Variants in PCDH7 observed in about 807,000 individuals in gnomAD.
PCDH7 encodes the protein protocadherin-7.
Under a neutral mutation model 58.9 loss-of-function variants are expected in PCDH7, and 17 were observed. The ratio of observed to expected loss-of-function variants is 0.29; its 90% confidence interval spans 0.20 to 0.43. The LOEUF (loss-of-function observed/expected upper bound fraction) is 0.43. Among genes scored for constraint, PCDH7 ranks in the 20% least tolerant of loss-of-function variants. The pLI, the probability that PCDH7 is intolerant of heterozygous loss-of-function variation, is 1.00. For missense variants in PCDH7, 1,274 were observed against 1,441.0 expected, an observed-to-expected ratio of 0.88 and a Z score of 1.88; for synonymous variants, 664 against 616.4, an observed-to-expected ratio of 1.08 and a Z score of -1.14.
intron 1 of PCDH7, among the ~76,000 whole-genome samples, chr4:30,861,648 G>A (rs1025997825): frequency 3.9e-5 from 6 of 152,062 alleles, no homozygotes; most frequent in Middle Eastern, 3.2e-3. Flanking sequence ...AATTTCTAGT[G>A]TAGTACTATA....
intron 1 of PCDH7, among the ~76,000 whole-genome samples, chr4:30,892,412 G>A (rs1276049808): frequency 1.3e-5 from 2 of 151,930 alleles, no homozygotes; most frequent in Non-Finnish European, 2.9e-5. Flanking sequence ...AGGAAAAAAA[G>A]GAAGAAAGTT....
intron 1 of PCDH7, among the ~76,000 whole-genome samples, chr4:30,869,579 C>T (rs1735292701): frequency 6.6e-6 from 1 of 152,104 alleles, no homozygotes; most frequent in African/African-American, 2.4e-5. Context: ...GGATGGTTTC[C>T]AGCTTCATCC....
chr4:30,964,204 C>G (rs1234684823), intron 3 of PCDH7, among the ~76,000 whole-genome samples: 1 of 151,562 alleles, frequency 6.6e-6, no homozygotes, highest in Non-Finnish European at 1.5e-5. Context: ...GTATATTAAG[C>G]TTCCTCAGCA....
intron 3 of PCDH7, among the ~76,000 whole-genome samples, chr4:30,952,905 C>G (rs905690780): frequency 6.6e-6 from 1 of 152,166 alleles, no homozygotes; most frequent in African/African-American, 2.4e-5. Flanking sequence ...AAATATCCCT[C>G]TCCACCACAT....
chr4:30,848,234 T>A (rs1277710129), intron 1 of PCDH7, among the ~76,000 whole-genome samples: 3 of 152,188 alleles, frequency 2.0e-5, no homozygotes, highest in South Asian at 4.1e-4. Flanking sequence ...AAACTTTGCA[T>A]GTAGCTAAAC....
chr4:31,101,346 T>TA (rs1013885212), intron 3 of PCDH7, among the ~76,000 whole-genome samples: 5 of 152,136 alleles, frequency 3.3e-5, no homozygotes, highest in African/African-American at 7.2e-5. Flanking sequence ...GGTATTTTTA[T>TA]AAAAAAAGAT....
intron 1 of PCDH7, among the ~76,000 whole-genome samples, chr4:30,875,488 A>G (rs1054143678): frequency 6.6e-6 from 1 of 152,110 alleles, no homozygotes; most frequent in Non-Finnish European, 1.5e-5. Context: ...GTTAGAGCTT[A>G]GAAATGAGAG....
intron 1 of PCDH7, among the ~76,000 whole-genome samples, chr4:30,749,513 A>AT (rs1267205038): frequency 6.6e-6 from 1 of 151,964 alleles, no homozygotes; most frequent in Non-Finnish European, 1.5e-5. Context: ...GAGTTATTCT[A>AT]TTTTTTTCTA....
intron 3 of PCDH7, among the ~76,000 whole-genome samples, chr4:30,989,512 TCTCTATG>T (rs1439723623): frequency 6.6e-6 from 1 of 152,168 alleles, no homozygotes; most frequent in African/African-American, 2.4e-5. Flanking sequence ...TGCCTGAAAG[TCTCTATG>T]CTCATTAACC....
chr4:30,841,395 C>A (rs888448248), intron 1 of PCDH7, among the ~76,000 whole-genome samples: 2 of 152,042 alleles, frequency 1.3e-5, no homozygotes, highest in South Asian at 2.1e-4. Context: ...AATTAAATAT[C>A]TCTGCCATTC....
chr4:30,861,858 C>T (rs1394752993), intron 1 of PCDH7, among the ~76,000 whole-genome samples: 3 of 152,172 alleles, frequency 2.0e-5, no homozygotes, highest in East Asian at 3.9e-4. Context: ...AGTAGAGCAC[C>T]TTGTTAGCCT....
At chr4:31,143,283 A>C (rs2109350509), downstream of PCDH7, 1 of 157,466 alleles carries the variant, frequency 6.4e-6, no homozygotes, top group Admixed American at 6.1e-5. Flanking sequence ...GGCTGGTCAA[A>C]AATAAGCAGG....
chr4:30,948,160 A>T (rs1038240998), intron 2 of PCDH7, among the ~76,000 whole-genome samples: 1 of 151,976 alleles, frequency 6.6e-6, no homozygotes, highest in Admixed American at 6.6e-5. Flanking sequence ...TCTCATAAGT[A>T]TACTTTTCAT....
At chr4:31,086,350 G>A (rs948452749) in intron 3 of PCDH7, among the ~76,000 whole-genome samples, 22 of 152,102 alleles carry the variant, frequency 1.4e-4, no homozygotes, top group South Asian at 2.1e-4. Flanking sequence ...ATGATGTCCC[G>A]CAGTTATTTT....
chr4:30,977,178 T>C (rs913222982), intron 3 of PCDH7, among the ~76,000 whole-genome samples: 1 of 152,212 alleles, frequency 6.6e-6, no homozygotes, highest in African/African-American at 2.4e-5. Context: ...ATTTTCTTAT[T>C]TGCAAGAATT....
intron 2 of PCDH7, 27 bp downstream of exon 2, chr4:30,920,396 C>T (rs1470733637): frequency 1.5e-6 from 2 of 1,347,600 alleles, no homozygotes; most frequent in Non-Finnish European, 2.0e-6. Flanking sequence ...CATCCACACA[C>T]ATAATCACGC....
chr4:30,883,093 G>A (rs1356831056), intron 1 of PCDH7, among the ~76,000 whole-genome samples: 1 of 152,126 alleles, frequency 6.6e-6, no homozygotes, highest in African/African-American at 2.4e-5. Flanking sequence ...ACATGTGCAC[G>A]GGCACACACA....
intron 1 of PCDH7, among the ~76,000 whole-genome samples, chr4:30,800,019 A>ATT (rs57456489): frequency 3.5e-5 from 5 of 143,172 alleles, no homozygotes; most frequent in African/African-American, 1.0e-4. Flanking sequence ...ACACCCGGCT[A>ATT]TTTTTTTTTT....
At chr4:31,078,915 A>C (rs1395199626) in intron 3 of PCDH7, among the ~76,000 whole-genome samples, 2 of 151,956 alleles carry the variant, frequency 1.3e-5, no homozygotes, top group African/African-American at 2.4e-5. Context: ...AAATAGGTCC[A>C]CATATATGTG....
Sources: allele counts gnomAD v4.1 joint callset (sites outside exome capture counted in the v4.1 genomes callset), GRCh38; gene constraint gnomAD v4.1.1; transcripts MANE v1.5; gene names NCBI Gene and HGNC (gene_info 2026-07-23, HGNC 2026-07-21).